The following PDE1A variants were observed in gnomAD, a reference collection of about 807,000 sequenced individuals.
The protein encoded by PDE1A is phosphodiesterase 1A.
Under a neutral mutation model 61.7 loss-of-function variants are expected in PDE1A, and 35 were observed. The ratio of observed to expected loss-of-function variants is 0.57; its 90% CI spans 0.43 to 0.75. The LOEUF (loss-of-function observed/expected upper bound fraction) is 0.75, where lower values mean the gene tolerates loss of function less well. Ranked by LOEUF, PDE1A falls within the 30% of genes least tolerant of loss-of-function variation. PDE1A has a pLI of 0.00. For missense variants in PDE1A, 597 were observed against 630.6 expected (o/e 0.95, Z 0.57); for synonymous variants, 232 against 213.2 (o/e 1.09, Z -0.77).
At chr2:182,652,713 C>T in the PDE1A span, among the ~76,000 whole-genome samples, 1 of 152,174 alleles carries the variant, frequency 6.6e-6, no homozygotes, top group Non-Finnish European at 1.5e-5. Context: ...GCTTCATATA[C>T]AACAGTTACA....
At chr2:182,462,218 T>C (rs182905277) in intron 2 of PDE1A, among the ~76,000 whole-genome samples, 1,872 of 151,998 alleles carry the variant, frequency 0.012, 23 homozygotes, top group South Asian at 0.042. Context: ...GACGAGTTAA[T>C]GGGTGCAGCA....
the PDE1A span, among the ~76,000 whole-genome samples, chr2:182,691,191 T>C: frequency 5.9e-5 from 9 of 152,300 alleles, no homozygotes; most frequent in East Asian, 1.7e-3. Context: ...TTAAAGTTCA[T>C]ATGGGACCAA....
intron 13 of PDE1A, among the ~76,000 whole-genome samples, chr2:182,181,995 C>T (rs973282257): frequency 1.3e-5 from 2 of 152,196 alleles, no homozygotes; most frequent in African/African-American, 4.8e-5. Flanking sequence ...GTACATACTA[C>T]AGTATATAAA....
chr2:182,560,161 C>A, the PDE1A span, among the ~76,000 whole-genome samples: 6 of 151,438 alleles, frequency 4.0e-5, no homozygotes, highest in African/African-American at 1.5e-4. Flanking sequence ...GTACTGCACC[C>A]ATTAACTCGT....
chr2:182,521,079 G>C (rs986835044), intron 2 of PDE1A, among the ~76,000 whole-genome samples: 5 of 151,908 alleles, frequency 3.3e-5, no homozygotes, highest in Non-Finnish European at 4.4e-5. Context: ...CTAATGCACT[G>C]TAAAGCCATG....
In PDE1A at chr2:182,208,800, G is replaced by A. The variant is rs550476172; in HGVS notation, c.777-2735C>T. 5.9e-5 allele frequency among the ~76,000 whole-genome samples: 9 copies of A among 152,328 alleles called. No individual in the cohort carries two copies. The South Asian group carries it at 1.7e-3, about 28-fold the overall frequency. On this transcript the variant is annotated intron_variant, in intron 7 of 13. Coordinates refer to ENST00000351439, the Ensembl canonical transcript of PDE1A. ...AACTGCCCTGCTGGGGTTCAGACTT[G>A]CATGGGGCCTACAGTCCCTTTGTTT...
At chr2:182,656,871 T>C in the PDE1A span, among the ~76,000 whole-genome samples, 10 of 152,222 alleles carry the variant, frequency 6.6e-5, no homozygotes, top group African/African-American at 2.4e-4. Flanking sequence ...AGTCATTTTC[T>C]TCTTTTCTCT....
chr2:182,524,098 T>C (rs150526009), upstream of PDE1A, among the ~76,000 whole-genome samples: 549 of 152,218 alleles, frequency 3.6e-3, 1 homozygote, highest in African/African-American at 0.013. Context: ...TTTACCAGAG[T>C]TGTCAGAAAT....
chr2:182,198,171 T>A (rs1460379224), intron 10 of PDE1A, among the ~76,000 whole-genome samples: 1 of 151,812 alleles, frequency 6.6e-6, no homozygotes, highest in Non-Finnish European at 1.5e-5. Context: ...AAGCATACTG[T>A]TTTCAATTTT....
At chr2:182,686,233 T>C in the PDE1A span, among the ~76,000 whole-genome samples, 2 of 152,172 alleles carry the variant, frequency 1.3e-5, no homozygotes, top group Non-Finnish European at 2.9e-5. Flanking sequence ...ATTATATGAT[T>C]TTTCTTCTTT....
intron 2 of PDE1A, among the ~76,000 whole-genome samples, chr2:182,516,939 G>C (rs1690239691): frequency 6.6e-6 from 1 of 151,730 alleles, no homozygotes; most frequent in Admixed American, 6.6e-5. Flanking sequence ...AAAGTCAGCT[G>C]ATTAGCAATT....
exon 15 of PDE1A, chr2:182,141,261 A>G (rs188985076): frequency 4.6e-5 from 7 of 152,324 alleles, no homozygotes; most frequent in Admixed American, 3.9e-4. Context: ...TTTTAAATGC[A>G]TGATATTTTC....
At chr2:182,570,422 C>G in the PDE1A span, among the ~76,000 whole-genome samples, 1 of 152,054 alleles carries the variant, frequency 6.6e-6, no homozygotes. Flanking sequence ...TTGAAAAAGG[C>G]AGGGAGATTA....
intron 2 of PDE1A, among the ~76,000 whole-genome samples, chr2:182,438,126 C>T (rs995347535): frequency 2.6e-5 from 4 of 151,918 alleles, no homozygotes; most frequent in Admixed American, 2.0e-4. Context: ...TCTCAGAGAG[C>T]ACTTACCTCT....
At chr2:182,222,570 C>A (rs921743995) in intron 7 of PDE1A, among the ~76,000 whole-genome samples, 5 of 151,934 alleles carry the variant, frequency 3.3e-5, no homozygotes, top group Non-Finnish European at 7.4e-5. Context: ...TGTATCGATA[C>A]TGGTTAATCA....
the PDE1A span, among the ~76,000 whole-genome samples, chr2:182,573,128 G>C: frequency 5.3e-5 from 8 of 152,066 alleles, no homozygotes; most frequent in Non-Finnish European, 5.9e-5. Context: ...TTATTCTATA[G>C]ACTGCTTGGC....
intron 1 of PDE1A, among the ~76,000 whole-genome samples, chr2:182,297,779 A>G (rs1677889231): frequency 6.6e-6 from 1 of 152,170 alleles, no homozygotes; most frequent in African/African-American, 2.4e-5. Context: ...CCAGAATCAC[A>G]CCTTGATTGG....
chr2:182,569,853 C>G, the PDE1A span, among the ~76,000 whole-genome samples: 1 of 152,218 alleles, frequency 6.6e-6, no homozygotes, highest in African/African-American at 2.4e-5. Context: ...TTCGATACTA[C>G]TCTTACTGAA....
chr2:182,156,347 C>T (rs1440877101), intron 13 of PDE1A, among the ~76,000 whole-genome samples: 1 of 151,856 alleles, frequency 6.6e-6, no homozygotes, highest in Non-Finnish European at 1.5e-5. Flanking sequence ...CTTATCCTTT[C>T]AACACTTTTT....
Sources: allele counts gnomAD v4.1 joint callset (sites outside exome capture counted in the v4.1 genomes callset), GRCh38; gene constraint gnomAD v4.1.1; transcripts MANE v1.5; gene names NCBI Gene and HGNC (gene_info 2026-07-23, HGNC 2026-07-21).